Variants in HIRA observed in about 807,000 individuals in gnomAD.
The protein encoded by HIRA is protein HIRA.
Under a neutral mutation model 126.6 loss-of-function variants are expected in HIRA, and 13 were observed. That is an observed-to-expected ratio of 0.10 (90% confidence interval 0.07 to 0.16). The LOEUF is 0.16. HIRA is among the 10% of genes least tolerant of loss of function. The pLI is 1.00. For missense variants in HIRA, 834 were observed against 1,314.4 expected, an observed-to-expected ratio of 0.63 and a Z score of 5.65; for synonymous variants, 511 against 520.0, an observed-to-expected ratio of 0.98 and a Z score of 0.24.
intron 12 of HIRA, 44 bp downstream of exon 12, chr22:19,385,477 G>A: frequency 1.3e-6 from 2 of 1,563,964 alleles, no homozygotes; most frequent in Non-Finnish European, 1.8e-6. Context: ...CCCTGTCCCT[G>A]GGCATATGTC....
chr22:19,404,653 T>G (rs538616633), intron 5 of HIRA, among the ~76,000 whole-genome samples: 1 of 152,248 alleles, frequency 6.6e-6, no homozygotes, highest in South Asian at 2.1e-4. Flanking sequence ...CTCTCACTCC[T>G]GCCCTGTCCT....
At chr22:19,401,100 C>G (rs2089264789) in intron 5 of HIRA, among the ~76,000 whole-genome samples, 1 of 152,132 alleles carries the variant, frequency 6.6e-6, no homozygotes, top group African/African-American at 2.4e-5. Flanking sequence ...AGCTCAGCTC[C>G]TCTCCTAGTG....
Position 19,405,894 on chromosome 22 carries a change from GGGCCAAAAA to G in HIRA, c.303-23_303-15del. 6.9e-7 allele frequency: 1 copy of G among 1,443,006 alleles called. No individual in the cohort carries two copies. The highest frequency in any genetic ancestry group is 9.2e-7 in the Non-Finnish European group (1 of 1,087,456). 89.4% of individuals were successfully genotyped at this position (1,443,006 alleles called of 1,614,324 possible). A position where few individuals can be genotyped will look rare whatever the true frequency, so the allele number is the denominator to read the frequency against. On this transcript the variant is annotated splice_polypyrimidine_tract_variant and intron_variant, in intron 4 of 24. Coordinates refer to ENST00000263208, the MANE Select transcript of HIRA (RefSeq NM_003325.4). ...GGGCCGATGTACCTGTGTGAGAAAG[GGGCCAAAAA>G]GGCACTCATGGAGTGCTCTGGGCAC...
chr22:19,350,486 A>C (rs1339877196), intron 24 of HIRA, among the ~76,000 whole-genome samples: 3 of 152,126 alleles, frequency 2.0e-5, no homozygotes, highest in Admixed American at 2.0e-4. Flanking sequence ...CCACATGTTC[A>C]TTATGCTTTT....
At chr22:19,431,094 A>G (rs960646718) in intron 1 of HIRA, among the ~76,000 whole-genome samples, 4 of 152,156 alleles carry the variant, frequency 2.6e-5, no homozygotes, top group Non-Finnish European at 5.9e-5. Flanking sequence ...GGACCGTCTG[A>G]GCACTTCTCG....
intron 1 of HIRA, among the ~76,000 whole-genome samples, chr22:19,418,204 G>C (rs2089414893): frequency 6.6e-6 from 1 of 152,116 alleles, no homozygotes; most frequent in South Asian, 2.1e-4. Context: ...ACTTAAAAAT[G>C]ATTAAGATAG....
intron 7 of HIRA, among the ~76,000 whole-genome samples, chr22:19,395,093 A>G (rs140715899): frequency 0.01 from 1,539 of 152,304 alleles, 28 homozygotes; most frequent in African/African-American, 0.035. Context: ...GGAACAGTAG[A>G]AAGGCACTGC....
chr22:19,387,005 G>A (rs921917631), intron 11 of HIRA, among the ~76,000 whole-genome samples: 1 of 152,224 alleles, frequency 6.6e-6, no homozygotes, highest in Non-Finnish European at 1.5e-5. Context: ...CTTTCACAGA[G>A]CTCCCTTCAG....
intron 24 of HIRA, among the ~76,000 whole-genome samples, chr22:19,350,917 T>C (rs2088750154): frequency 6.6e-6 from 1 of 152,140 alleles, no homozygotes; most frequent in African/African-American, 2.4e-5. Flanking sequence ...TCACAAGGCC[T>C]TCCTGGTCAC....
intron 24 of HIRA, among the ~76,000 whole-genome samples, chr22:19,347,154 C>T (rs2088696174): frequency 1.3e-5 from 2 of 152,180 alleles, no homozygotes; most frequent in African/African-American, 4.8e-5. Context: ...TAGTAGATGG[C>T]TCATCGGCCT....
intron 1 of HIRA, among the ~76,000 whole-genome samples, chr22:19,424,268 C>T (rs1009846820): frequency 2.2e-4 from 34 of 152,174 alleles, no homozygotes; most frequent in African/African-American, 8.0e-4. Context: ...CAGTAGGCAA[C>T]GATGATTGAT....
At chr22:19,422,171 T>TACACACACACACACAC (rs763716204) in intron 1 of HIRA, among the ~76,000 whole-genome samples, 5 of 143,126 alleles carry the variant, frequency 3.5e-5, no homozygotes, top group Admixed American at 2.1e-4. Context: ...TGTTTATATA[T>TACACACACACACACAC]ACACACACAC....
At position 19,431,710 on chromosome 22, in the gene HIRA, C is replaced by T; in HGVS notation, c.-234G>A. 1 of 359,338 alleles carries T rather than the reference C, an allele frequency of 2.8e-6. No homozygotes were observed. Among genetic ancestry groups the T allele is most frequent in the Non-Finnish European group, 4.7e-6 (1 of 212,566 alleles). 22.3% of individuals were successfully genotyped at this position (359,338 alleles called of 1,614,324 possible). On this transcript the variant is annotated 5_prime_UTR_variant, in exon 1 of 25. Coordinates refer to ENST00000263208, the MANE Select transcript of HIRA (RefSeq NM_003325.4). The stretch of plus-strand genomic sequence containing the variant: ...CACAGCCGCATCCCCTGCGCCGCTC[C>T]TCCTCAGGCGGCTCCCGGGCAACGC...
chr22:19,379,213 C>A lies in HIRA; in HGVS notation c.1416-1147G>T, dbSNP rs539518565. ...ATTTTTAGTAGAGACGGGGTTTAAC[C>A]GTGTTAGCCAGGATGGTCTCGATCT... On this transcript the variant is annotated intron_variant, in intron 13 of 24. Coordinates refer to ENST00000263208, the MANE Select transcript of HIRA (RefSeq NM_003325.4). Among the ~76,000 whole-genome samples, 300 of 151,494 alleles carry A rather than the reference C, an allele frequency of 2.0e-3. 3 individuals are homozygous for A. The highest frequency in any genetic ancestry group is 6.8e-3 in the African/African-American group (281 of 41,388).
chr22:19,348,830 C>G (rs1569290907), intron 24 of HIRA, among the ~76,000 whole-genome samples: 1 of 151,310 alleles, frequency 6.6e-6, no homozygotes, highest in Non-Finnish European at 1.5e-5. Context: ...GAGTTTCGCT[C>G]TTGTCGCCCA....
chr22:19,395,003 G>A (rs1376824922), intron 7 of HIRA, among the ~76,000 whole-genome samples: 1 of 152,198 alleles, frequency 6.6e-6, no homozygotes, highest in Non-Finnish European at 1.5e-5. Flanking sequence ...CTACTCTCTT[G>A]AGCCTGTTGC....
At position 19,369,559 on chromosome 22, in the gene HIRA, G is replaced by A. The variant is rs145439055; in HGVS notation, c.1775+6072C>T. ...ATCCCTCCTCCCTCTCTGAGGAAGTGGGGGACCTGGGCCTAACTTGCAAGG... is the reference window on the plus strand; with the variant it reads ...ATCCCTCCTCCCTCTCTGAGGAAGTAGGGGACCTGGGCCTAACTTGCAAGG... On this transcript the variant is annotated intron_variant, in intron 15 of 24. Coordinates refer to ENST00000263208, the MANE Select transcript of HIRA (RefSeq NM_003325.4). 3.4e-4 allele frequency among the ~76,000 whole-genome samples: 52 copies of A among 152,258 alleles called. No homozygotes were observed. The East Asian group carries it at 9.3e-3, about 27-fold the overall frequency.
At chr22:19,333,277 TAAAG>T (rs1353042623) in intron 24 of HIRA, among the ~76,000 whole-genome samples, 2 of 151,996 alleles carry the variant, frequency 1.3e-5, no homozygotes, top group Non-Finnish European at 2.9e-5. Context: ...AGAGAAAGCT[TAAAG>T]AAATAATATT....
rs557826792 is a variant in HIRA, at chr22:19,351,754, T to C, written c.2849-308A>G. Among the ~76,000 whole-genome samples, 1 of 152,090 alleles carries C rather than the reference T, an allele frequency of 6.6e-6. No homozygotes were observed. The highest frequency in any genetic ancestry group is 2.1e-4 in the South Asian group (1 of 4,812). On this transcript the variant is annotated intron_variant, in intron 23 of 24. Transcript: ENST00000263208. The surrounding 1 kb of genome is among the most constrained non-coding windows in gnomAD (Gnocchi z 4.8). Reference sequence around the variant, plus strand: ...TTCTGTGATAAACTCCTTAAGGTGATGGGAAGATATGGGAAATTGTGGGCT... The same window carrying C: ...TTCTGTGATAAACTCCTTAAGGTGACGGGAAGATATGGGAAATTGTGGGCT...
Sources: gnomAD v4.1 joint callset for allele counts (sites outside exome capture counted in the v4.1 genomes callset) on GRCh38, gnomAD v4.1.1 for gene constraint, Gnocchi (gnomAD v3.1) non-coding constraint, MANE v1.5 for transcripts, NCBI Gene and HGNC (gene_info 2026-07-23, HGNC 2026-07-21) for gene names.